The following OSBP2 variants were observed in gnomAD, a reference collection of about 807,000 sequenced individuals.
OSBP2 encodes the protein oxysterol binding protein 2, also known as oxysterol-binding protein 2.
A neutral mutation model predicts 96.0 loss-of-function variants in OSBP2; 66 were observed. That is an observed-to-expected ratio of 0.69 (90% CI 0.56 to 0.84). The LOEUF (loss-of-function observed/expected upper bound fraction) is 0.84, where lower values mean the gene tolerates loss of function less well. Among genes scored for constraint, OSBP2 ranks in the 40% least tolerant of loss-of-function variants. The pLI is 0.00. For synonymous variants in OSBP2, 525 were observed against 520.9 expected (o/e 1.01, Z -0.11); for missense variants, 1,038 against 1,222.7 (o/e 0.85, Z 2.25).
intron 3 of OSBP2, among the ~76,000 whole-genome samples, chr22:30,878,651 A>G (rs558937557): frequency 2.0e-5 from 3 of 152,296 alleles, no homozygotes; most frequent in African/African-American, 7.2e-5. Context: ...GCTGGCCAAC[A>G]GAGGGTAGAT....
intron 2 of OSBP2, among the ~76,000 whole-genome samples, chr22:30,746,263 T>A (rs1411365219): frequency 1.3e-5 from 2 of 151,892 alleles, no homozygotes; most frequent in African/African-American, 2.4e-5. Flanking sequence ...TACAAAAATT[T>A]GAAAAATGAA....
At chr22:30,783,465 G>T (rs1170379531) in intron 2 of OSBP2, among the ~76,000 whole-genome samples, 1 of 151,726 alleles carries the variant, frequency 6.6e-6, no homozygotes, top group African/African-American at 2.4e-5. Flanking sequence ...GGGACTACAG[G>T]TGTGTGCCAC....
At chr22:30,829,443 C>G (rs1304481681) in intron 2 of OSBP2, among the ~76,000 whole-genome samples, 1 of 152,160 alleles carries the variant, frequency 6.6e-6, no homozygotes, top group African/African-American at 2.4e-5. Context: ...CAGATGCCTG[C>G]CACCACGCCT....
intron 2 of OSBP2, among the ~76,000 whole-genome samples, chr22:30,842,864 C>G (rs1410212605): frequency 1.3e-5 from 2 of 152,128 alleles, no homozygotes; most frequent in Non-Finnish European, 2.9e-5. Context: ...ACTGCAACCT[C>G]CATCTCCTGG....
Position 30,890,600 on chromosome 22 carries a change from C to T in OSBP2, c.1624-128C>T. ...TTGGGGGCCACACTGTTGGACAGGG[C>T]CATCTGAGGAGCCTCACTGTGAAGG... On this transcript the variant is annotated intron_variant, in intron 7 of 13. Transcript: ENST00000332585. The surrounding 1 kb of genome is among the most constrained non-coding windows in gnomAD (Gnocchi z 4.4). The T allele has an allele frequency of 3.0e-6, 3 of 1,000,150 alleles. No homozygotes were observed. Among genetic ancestry groups the T allele is most frequent in the South Asian group, 3.0e-5 (2 of 66,760 alleles). 62.0% of individuals were successfully genotyped at this position (1,000,150 alleles called of 1,614,324 possible). A position where few individuals can be genotyped will look rare whatever the true frequency, so the allele number is the denominator to read the frequency against.
At chr22:30,727,717 A>C (rs1006639808) in intron 1 of OSBP2, among the ~76,000 whole-genome samples, 8 of 152,200 alleles carry the variant, frequency 5.3e-5, no homozygotes, top group African/African-American at 1.4e-4. Context: ...TAAGTCTAAT[A>C]TGCGTAGAGA....
chr22:30,887,087 G>A (rs979081726), intron 3 of OSBP2, among the ~76,000 whole-genome samples: 2 of 152,200 alleles, frequency 1.3e-5, no homozygotes, highest in South Asian at 2.1e-4. Flanking sequence ...CATAGAGGAT[G>A]ACTTCCTGAT....
rs772802379 is a variant in OSBP2, at chr22:30,893,132, A to AC, written c.1887dup (p.Ser630LeufsTer79). The AC allele has an allele frequency of 1.6e-5, 25 of 1,612,776 alleles. No individual in the cohort carries two copies. The highest frequency in any genetic ancestry group is 2.2e-5 in the East Asian group (1 of 44,842). On this transcript the variant is annotated frameshift_variant, in exon 9 of 14. Transcript: ENST00000332585. LOFTEE classifies it high-confidence loss of function. The stretch of plus-strand genomic sequence containing the variant: ...TGGGTCTGGTCTCAGGTGAGCCACC[A>AC]CCCCCCCTCAGCTGCGCACTACGTG...
At chr22:30,736,780 A>G (rs1011031619) in intron 1 of OSBP2, among the ~76,000 whole-genome samples, 1 of 152,208 alleles carries the variant, frequency 6.6e-6, no homozygotes. Flanking sequence ...TTTCTATTTT[A>G]TAATTCAATC....
At chr22:30,758,339 TG>T (rs2090165862) in intron 2 of OSBP2, among the ~76,000 whole-genome samples, 1 of 152,162 alleles carries the variant, frequency 6.6e-6, no homozygotes, top group Non-Finnish European at 1.5e-5. Flanking sequence ...AGGAAGAGGT[TG>T]CAGTGAGCCG....
In OSBP2 at chr22:30,870,985, A is replaced by C. The variant is rs1453099603; in HGVS notation, c.1107+303A>C. 6.6e-6 allele frequency among the ~76,000 whole-genome samples: 1 copy of C among 152,166 alleles called. No homozygotes were observed. Among genetic ancestry groups the C allele is most frequent in the East Asian group, 1.9e-4 (1 of 5,190 alleles). ...TAAGGAAGGTCGGGGCCCCAAGTTAAGTAGCTAGCCCAGCAGGTCAGTTCT... is the reference window on the plus strand; with the variant it reads ...TAAGGAAGGTCGGGGCCCCAAGTTACGTAGCTAGCCCAGCAGGTCAGTTCT... On this transcript the variant is annotated intron_variant, in intron 3 of 13. Transcript: ENST00000332585. This position sits in a 1 kb window ranked among gnomAD's most constrained non-coding sequence, Gnocchi z 4.1.
At chr22:30,827,824 G>A (rs190962459) in intron 2 of OSBP2, among the ~76,000 whole-genome samples, 9 of 152,320 alleles carry the variant, frequency 5.9e-5, no homozygotes, top group Admixed American at 2.0e-4. Flanking sequence ...CGTGGCCCAC[G>A]GAAGGGTGCT....
At chr22:30,862,921 C>T (rs1307324827) in intron 2 of OSBP2, among the ~76,000 whole-genome samples, 3 of 150,680 alleles carry the variant, frequency 2.0e-5, no homozygotes, top group Admixed American at 6.6e-5. Context: ...TGCAATGAGC[C>T]GAGATTTTGC....
intron 2 of OSBP2, among the ~76,000 whole-genome samples, chr22:30,795,342 A>G (rs547921865): frequency 1.4e-4 from 22 of 152,198 alleles, no homozygotes; most frequent in African/African-American, 5.1e-4. Context: ...CATATTTGGG[A>G]AAAATTCATC....
chr22:30,700,891 G>C (rs1020962211), intron 1 of OSBP2, among the ~76,000 whole-genome samples: 1 of 151,578 alleles, frequency 6.6e-6, no homozygotes, highest in African/African-American at 2.4e-5. Flanking sequence ...TTCGAGACCA[G>C]CTTGACTAAC....
intron 1 of OSBP2, among the ~76,000 whole-genome samples, chr22:30,697,642 A>T (rs1423979712): frequency 6.6e-6 from 1 of 152,162 alleles, no homozygotes; most frequent in Non-Finnish European, 1.5e-5. Context: ...CTGCTTGCTG[A>T]TAATGTTGTG....
chr22:30,867,691 C>T (rs2039372215), intron 2 of OSBP2, among the ~76,000 whole-genome samples: 1 of 152,230 alleles, frequency 6.6e-6, no homozygotes, highest in Admixed American at 6.5e-5. Flanking sequence ...GAATTTGGAC[C>T]TTAAGGGCTG....
intron 2 of OSBP2, among the ~76,000 whole-genome samples, chr22:30,748,294 C>G (rs763232251): frequency 7.2e-5 from 11 of 152,158 alleles, no homozygotes; most frequent in Non-Finnish European, 1.5e-4. Flanking sequence ...CGGTCTTGAA[C>G]TCCTGACCTC....
Position 30,713,768 on chromosome 22 carries a change from T to C in OSBP2, c.644+18215T>C, listed in dbSNP as rs181190188. 9.8e-5 allele frequency among the ~76,000 whole-genome samples: 15 copies of C among 152,318 alleles called. No homozygotes were observed. The East Asian group carries it at 2.9e-3, about 29-fold the overall frequency. ...GTGAGCTATTACAGTCAACCTAAAA[T>C]TGTTTTCATTGACACATCATAATTA... On this transcript the variant is annotated intron_variant, in intron 1 of 13. Transcript: ENST00000332585.
Sources: allele counts gnomAD v4.1 joint callset (sites outside exome capture counted in the v4.1 genomes callset), GRCh38; gene constraint gnomAD v4.1.1; non-coding constraint Gnocchi (gnomAD v3.1); transcripts MANE v1.5; gene names NCBI Gene and HGNC (gene_info 2026-07-23, HGNC 2026-07-21).